Variants in PCDH9 observed in about 807,000 individuals in gnomAD.
The protein encoded by PCDH9 is protocadherin-9.
Under a neutral mutation model 70.6 loss-of-function variants are expected in PCDH9, and 24 were observed. The observed-to-expected ratio is 0.34, with a 90% CI of 0.25 to 0.48. The LOEUF (loss-of-function observed/expected upper bound fraction) is 0.48. Ranked by LOEUF, PCDH9 falls within the 20% of genes least tolerant of loss-of-function variation. The pLI, the probability that PCDH9 is intolerant of heterozygous loss-of-function variation, is 0.99. For synonymous variants in PCDH9, 562 were observed against 558.5 expected (o/e 1.01, Z -0.09); for missense variants, 1,281 against 1,503.6 (o/e 0.85, Z 2.45).
At chr13:66,864,849 C>G (rs981920507) in intron 3 of PCDH9, among the ~76,000 whole-genome samples, 2 of 152,154 alleles carry the variant, frequency 1.3e-5, no homozygotes, top group Non-Finnish European at 2.9e-5. Flanking sequence ...GACCAGTTGC[C>G]TGGAAAGTAG....
At chr13:66,964,283 C>T (rs1342235823) in intron 2 of PCDH9, among the ~76,000 whole-genome samples, 3 of 151,590 alleles carry the variant, frequency 2.0e-5, no homozygotes, top group African/African-American at 4.8e-5. Flanking sequence ...ATATTTGTTA[C>T]TTCCTCTAAG....
At chr13:66,420,674 C>T (rs9599115) in intron 4 of PCDH9, among the ~76,000 whole-genome samples, 1,998 of 152,102 alleles carry the variant, frequency 0.013, 44 homozygotes, top group African/African-American at 0.045. Flanking sequence ...AACCTCCATC[C>T]GAAGGTCACC....
Position 66,369,486 on chromosome 13 carries a change from G to A in PCDH9, c.3341-64458C>T, listed in dbSNP as rs187106102. On this transcript the variant is annotated intron_variant, in intron 4 of 4. Transcript: ENST00000377865. ...TCCTCTTTTCTTTAGTAAAATGCAA[G>A]TTTCTTGATGTAGAGAAGAGTTCTC... 2.6e-5 allele frequency among the ~76,000 whole-genome samples: 4 copies of A among 152,116 alleles called. No homozygotes were observed. The East Asian group carries it at 7.7e-4, about 29-fold the overall frequency.
intron 2 of PCDH9, among the ~76,000 whole-genome samples, chr13:66,955,402 A>G (rs75027419): frequency 0.036 from 5,511 of 152,280 alleles, 135 homozygotes; most frequent in Non-Finnish European, 0.053. Context: ...GATCCTTTGG[A>G]GCCAGGAAGA....
At chr13:66,982,184 C>T (rs1027695723) in intron 2 of PCDH9, among the ~76,000 whole-genome samples, 1 of 152,204 alleles carries the variant, frequency 6.6e-6, no homozygotes, top group Admixed American at 6.5e-5. Flanking sequence ...CGCCTTCCAC[C>T]GTGAGTAAAA....
chr13:66,749,591 A>T (rs2079426123), intron 3 of PCDH9, among the ~76,000 whole-genome samples: 1 of 152,198 alleles, frequency 6.6e-6, no homozygotes, highest in Non-Finnish European at 1.5e-5. Flanking sequence ...ACTGCCATAG[A>T]AAATTTTCTT....
intron 3 of PCDH9, among the ~76,000 whole-genome samples, chr13:66,784,679 G>A (rs746804959): frequency 5.9e-5 from 9 of 151,884 alleles, no homozygotes; most frequent in African/African-American, 1.9e-4. Flanking sequence ...ATATAAAACC[G>A]TTCCATAAGT....
intron 3 of PCDH9, among the ~76,000 whole-genome samples, chr13:66,733,230 G>A (rs1395381884): frequency 6.6e-6 from 1 of 151,998 alleles, no homozygotes; most frequent in Non-Finnish European, 1.5e-5. Context: ...TATCCTCCAG[G>A]ATATTTCCAT....
intron 2 of PCDH9, among the ~76,000 whole-genome samples, chr13:67,071,513 T>C (rs1467019178): frequency 6.6e-6 from 1 of 152,200 alleles, no homozygotes; most frequent in Admixed American, 6.5e-5. Flanking sequence ...GCAAACTTAC[T>C]TTTAACAATT....
At chr13:66,451,758 A>G (rs981816760) in intron 4 of PCDH9, among the ~76,000 whole-genome samples, 1 of 152,206 alleles carries the variant, frequency 6.6e-6, no homozygotes, top group Non-Finnish European at 1.5e-5. Context: ...AATAAAACAT[A>G]AAGATCTAAT....
At chr13:66,414,663 A>C (rs529016999) in intron 4 of PCDH9, among the ~76,000 whole-genome samples, 3 of 152,318 alleles carry the variant, frequency 2.0e-5, no homozygotes, top group East Asian at 3.9e-4. Flanking sequence ...AATACTGCTG[A>C]AAATGCGGAA....
At chr13:66,857,697 C>T (rs2081417429) in intron 3 of PCDH9, among the ~76,000 whole-genome samples, 1 of 151,964 alleles carries the variant, frequency 6.6e-6, no homozygotes, top group Admixed American at 6.6e-5. Flanking sequence ...ATAATCATCC[C>T]ATTCCGACTA....
At chr13:66,447,545 T>C (rs979438096) in intron 4 of PCDH9, among the ~76,000 whole-genome samples, 6 of 152,148 alleles carry the variant, frequency 3.9e-5, no homozygotes, top group Admixed American at 1.3e-4. Context: ...CTTCATGTTT[T>C]AATATGTGTG....
chr13:67,173,251 A>G (rs903238718), intron 2 of PCDH9, among the ~76,000 whole-genome samples: 5 of 152,270 alleles, frequency 3.3e-5, no homozygotes, highest in African/African-American at 1.2e-4. Context: ...GAATAAATAG[A>G]ATTTGACATT....
chr13:66,960,004 C>T (rs1028306489), intron 2 of PCDH9, among the ~76,000 whole-genome samples: 1 of 152,062 alleles, frequency 6.6e-6, no homozygotes, highest in Non-Finnish European at 1.5e-5. Context: ...AATCAGAATA[C>T]TTATTAGGGA....
chr13:66,538,336 A>G (rs1348035015), intron 4 of PCDH9, among the ~76,000 whole-genome samples: 1 of 152,210 alleles, frequency 6.6e-6, no homozygotes, highest in Non-Finnish European at 1.5e-5. Context: ...CAAATATTCA[A>G]TAACCATTGT....
At chr13:66,900,003 C>G (rs2082251507) in intron 3 of PCDH9, among the ~76,000 whole-genome samples, 1 of 151,944 alleles carries the variant, frequency 6.6e-6, no homozygotes, top group African/African-American at 2.4e-5. Flanking sequence ...AATTCTAATG[C>G]TATCACTAGC....
At chr13:67,036,003 A>T (rs1025186733) in intron 2 of PCDH9, among the ~76,000 whole-genome samples, 1 of 152,240 alleles carries the variant, frequency 6.6e-6, no homozygotes, top group Non-Finnish European at 1.5e-5. Flanking sequence ...AAGGAGGAAC[A>T]AATATATATT....
intron 3 of PCDH9, among the ~76,000 whole-genome samples, chr13:66,808,849 G>C (rs1470778703): frequency 1.3e-5 from 2 of 152,144 alleles, no homozygotes; most frequent in Admixed American, 1.3e-4. Context: ...ATTACTAAAA[G>C]CAGATTTGCA....
Sources: gnomAD v4.1 joint callset for allele counts (sites outside exome capture counted in the v4.1 genomes callset) on GRCh38, gnomAD v4.1.1 for gene constraint, MANE v1.5 for transcripts, NCBI Gene and HGNC (gene_info 2026-07-23, HGNC 2026-07-21) for gene names.